PPP1R9A: variants seen among roughly 807,000 people sequenced by gnomAD.
PPP1R9A encodes the protein protein phosphatase 1 regulatory subunit 9A, also known as neurabin-1.
A neutral mutation model predicts 141.9 loss-of-function variants in PPP1R9A; 59 were observed. The ratio of observed to expected loss-of-function variants is 0.42; its 90% CI spans 0.34 to 0.52. The LOEUF (loss-of-function observed/expected upper bound fraction) is 0.52. Ranked by LOEUF, PPP1R9A falls within the 20% of genes least tolerant of loss-of-function variation. The pLI, the probability that PPP1R9A is intolerant of heterozygous loss-of-function variation, is 0.10. For synonymous variants in PPP1R9A, 500 were observed against 569.7 expected, an observed-to-expected ratio of 0.88 and a Z score of 1.74; for missense variants, 1,444 against 1,611.9, an observed-to-expected ratio of 0.90 and a Z score of 1.78.
Position 95,290,293 on chromosome 7 carries a change from G to GGATGC in PPP1R9A, c.4115_4116insGATGC (p.Glu1373MetfsTer63). On this transcript the variant is annotated frameshift_variant, in exon 20 of 20. Coordinates refer to ENST00000433360, the MANE Select transcript of PPP1R9A (RefSeq NM_001166160.2). LOFTEE classifies it high-confidence loss of function. Reference sequence around the variant, plus strand: ...ACGTCAACTACAGCCGAGGGTGCTGGTGAGCAGTAACACATACCCTCTTAC... The same window carrying GGATGC: ...ACGTCAACTACAGCCGAGGGTGCTGGGATGCTGAGCAGTAACACATACCCTCTTAC... 6.2e-7 allele frequency: 1 copy of GGATGC among 1,609,730 alleles called. No individual in the cohort carries two copies. The highest frequency in any genetic ancestry group is 8.5e-7 in the Non-Finnish European group (1 of 1,177,858).
At chr7:95,044,159 AG>A (rs1358794813) in intron 2 of PPP1R9A, among the ~76,000 whole-genome samples, 1 of 152,136 alleles carries the variant, frequency 6.6e-6, no homozygotes, top group Non-Finnish European at 1.5e-5. Context: ...TTATTTCTGG[AG>A]GGGGTCTGCC....
intron 2 of PPP1R9A, among the ~76,000 whole-genome samples, chr7:95,029,484 A>G (rs1322123708): frequency 1.3e-5 from 2 of 152,320 alleles, no homozygotes; most frequent in Non-Finnish European, 2.9e-5. Context: ...ATTCTGTGCA[A>G]TTACATAGAA....
intron 2 of PPP1R9A, among the ~76,000 whole-genome samples, chr7:95,092,686 C>T (rs995123786): frequency 5.9e-5 from 9 of 152,124 alleles, no homozygotes; most frequent in African/African-American, 1.7e-4. Flanking sequence ...AGACACTAGT[C>T]CTGTGCTGAA....
intron 2 of PPP1R9A, among the ~76,000 whole-genome samples, chr7:95,033,256 C>T (rs374321965): frequency 1.3e-5 from 2 of 150,772 alleles, no homozygotes; most frequent in African/African-American, 2.4e-5. Flanking sequence ...CCTCGTGATC[C>T]GCCCGCCTTG....
chr7:94,991,948 G>A (rs1195808309), intron 2 of PPP1R9A, among the ~76,000 whole-genome samples: 2 of 152,112 alleles, frequency 1.3e-5, no homozygotes, highest in Non-Finnish European at 2.9e-5. Flanking sequence ...CAGTGCACCC[G>A]GCCTGTTGTC....
intron 2 of PPP1R9A, among the ~76,000 whole-genome samples, chr7:94,999,808 T>G (rs1802654240): frequency 6.6e-6 from 1 of 151,296 alleles, no homozygotes; most frequent in Non-Finnish European, 1.5e-5. Flanking sequence ...TTTATTTATT[T>G]ATTTATTTAT....
chr7:95,274,776 A>G (rs1299979692), intron 16 of PPP1R9A, among the ~76,000 whole-genome samples: 2 of 152,188 alleles, frequency 1.3e-5, no homozygotes, highest in Non-Finnish European at 2.9e-5. Flanking sequence ...TGAGATTTGT[A>G]TAGGGAGTCA....
chr7:95,213,704 T>C (rs567298230), intron 7 of PPP1R9A, among the ~76,000 whole-genome samples: 1 of 152,336 alleles, frequency 6.6e-6, no homozygotes, highest in East Asian at 1.9e-4. Context: ...AAGCCATTTC[T>C]TAACTGTAGA....
chr7:95,025,584 TA>T (rs1298080167), intron 2 of PPP1R9A, among the ~76,000 whole-genome samples: 1 of 152,144 alleles, frequency 6.6e-6, no homozygotes, highest in Non-Finnish European at 1.5e-5. Context: ...AACTTTTTAG[TA>T]TTCTCTGTAT....
chr7:95,121,340 C>T (rs886438501), intron 4 of PPP1R9A, among the ~76,000 whole-genome samples: 11 of 152,188 alleles, frequency 7.2e-5, no homozygotes, highest in Admixed American at 7.2e-4. Flanking sequence ...TTAAAATCTC[C>T]AGTAGAGGGG....
At chr7:95,010,955 G>C (rs1440722091) in intron 2 of PPP1R9A, among the ~76,000 whole-genome samples, 1 of 152,042 alleles carries the variant, frequency 6.6e-6, no homozygotes, top group Non-Finnish European at 1.5e-5. Flanking sequence ...GTAGAAAGTA[G>C]GTAAAAATGA....
Position 95,268,537 on chromosome 7 carries a change from T to A in PPP1R9A, c.2666-13T>A, listed in dbSNP as rs145794286. 9.2e-4 allele frequency: 1,484 copies of A among 1,612,452 alleles called. 13 individuals carry two copies. In the African/African-American group the frequency reaches 0.017, roughly 18 times the overall value. ...AAAGGTTTCTCTCACTGATTATCTT[T>A]CAATATTCTTAGACTTGAATGAAGC... On this transcript the variant is annotated splice_polypyrimidine_tract_variant and intron_variant, in intron 12 of 19. Transcript: ENST00000433360.
At chr7:95,210,217 A>C (rs908952587) in intron 7 of PPP1R9A, among the ~76,000 whole-genome samples, 1 of 152,170 alleles carries the variant, frequency 6.6e-6, no homozygotes, top group Non-Finnish European at 1.5e-5. Flanking sequence ...AATATATTTT[A>C]TGCTCACAAG....
intron 4 of PPP1R9A, among the ~76,000 whole-genome samples, chr7:95,139,297 C>A (rs1465571439): frequency 6.6e-6 from 1 of 152,148 alleles, no homozygotes; most frequent in Non-Finnish European, 1.5e-5. Flanking sequence ...ATAAAACCAC[C>A]TGATCTCATG....
chr7:95,088,827 G>C (rs1343350953), intron 2 of PPP1R9A, among the ~76,000 whole-genome samples: 1 of 151,966 alleles, frequency 6.6e-6, no homozygotes, highest in Non-Finnish European at 1.5e-5. Context: ...GTGATTGCTT[G>C]TCTTTTAGTC....
chr7:95,232,324 G>A (rs960917939), intron 8 of PPP1R9A, among the ~76,000 whole-genome samples: 10 of 152,118 alleles, frequency 6.6e-5, no homozygotes, highest in Non-Finnish European at 1.3e-4. Flanking sequence ...GCCATATGCA[G>A]AAAACTGAAA....
At chr7:95,015,934 G>T (rs1272022856) in intron 2 of PPP1R9A, among the ~76,000 whole-genome samples, 1 of 151,924 alleles carries the variant, frequency 6.6e-6, no homozygotes, top group Non-Finnish European at 1.5e-5. Flanking sequence ...GTGCCTGTAG[G>T]CCTAGCTACT....
chr7:95,022,560 T>C (rs868500181), intron 2 of PPP1R9A, among the ~76,000 whole-genome samples: 15 of 152,220 alleles, frequency 9.9e-5, no homozygotes, highest in South Asian at 4.1e-4. Flanking sequence ...TTGTGCTGGT[T>C]TTCAAAGGGA....
Position 95,268,592 on chromosome 7 carries a change from A to C in PPP1R9A, c.2708A>C (p.Lys903Thr). Reference sequence around the variant, plus strand: ...CCAGAGACAGAGCGCCTGGATTCAAAAGCACTGAAAACTCGAGCCCAGCTC... The same window carrying C: ...CCAGAGACAGAGCGCCTGGATTCAACAGCACTGAAAACTCGAGCCCAGCTC... The part of the protein sequence containing the change: ...AVPETERLDS[K>T]ALKTRAQLSV... Residue 903 changes from lysine to threonine, a missense_variant, in exon 13 of 20, where the codon AAA (lysine) becomes ACA (threonine). Physicochemically the swap from Lys to Thr is moderately conservative, Grantham distance 78. Transcript: ENST00000433360. 1 of 1,613,452 alleles carries C rather than the reference A, an allele frequency of 6.2e-7. No homozygotes were observed. The highest frequency in any genetic ancestry group is 1.3e-5 in the African/African-American group (1 of 75,004).
Sources: gnomAD v4.1 joint callset for allele counts (sites outside exome capture counted in the v4.1 genomes callset) on GRCh38, gnomAD v4.1.1 for gene constraint, MANE v1.5 for transcripts, NCBI Gene and HGNC (gene_info 2026-07-23, HGNC 2026-07-21) for gene names.